TXNRD2: variants seen among roughly 807,000 people sequenced by gnomAD.
TXNRD2 encodes the protein thioredoxin reductase 2, mitochondrial.
TXNRD2 carries 67 observed loss-of-function variants against 70.8 expected under a neutral mutation model. The observed-to-expected ratio is 0.95, with a 90% CI of 0.78 to 1.16. TXNRD2 has a LOEUF of 1.16. Among genes scored for constraint, TXNRD2 ranks in the 50% most tolerant of loss-of-function variants. The probability of loss-of-function intolerance (pLI) is 0.00; values close to 1 mark genes in which losing one functional copy is unlikely to be tolerated. For synonymous variants in TXNRD2, 301 were observed against 295.8 expected (o/e 1.02, Z -0.18); for missense variants, 644 against 719.9 (o/e 0.89, Z 1.21).
chr22:19,924,124 C>G (rs938243562), intron 2 of TXNRD2, among the ~76,000 whole-genome samples: 15 of 152,164 alleles, frequency 9.9e-5, no homozygotes, highest in African/African-American at 3.4e-4. Flanking sequence ...GCTCAGCCTC[C>G]CAAAGTGCTG....
At chr22:19,924,905 A>G (rs1459668898) in intron 2 of TXNRD2, among the ~76,000 whole-genome samples, 1 of 152,014 alleles carries the variant, frequency 6.6e-6, no homozygotes, top group African/African-American at 2.4e-5. Context: ...AGAGACACTA[A>G]GATAAAAATA....
chr22:19,878,513 C>A, intron 14 of TXNRD2, 76 bp from the exon 15 acceptor site: 1 of 1,339,736 alleles, frequency 7.5e-7, no homozygotes. Flanking sequence ...CCACAGGCTG[C>A]ATGGGCAAGG....
intron 2 of TXNRD2, 76 bp downstream of exon 2, chr22:19,930,954 T>G: frequency 7.0e-7 from 1 of 1,420,422 alleles, no homozygotes; most frequent in Non-Finnish European, 9.9e-7. Flanking sequence ...CTCATGGACG[T>G]TTTCTGGACA....
chr22:19,918,387 A>C (rs1940734417), intron 4 of TXNRD2, among the ~76,000 whole-genome samples, 170 bp from the exon 5 acceptor site: 2 of 152,254 alleles, frequency 1.3e-5, no homozygotes, highest in African/African-American at 4.8e-5. Flanking sequence ...CGCCTGTCCC[A>C]GGCTCAGGGC....
rs1940939715 is a variant in TXNRD2, at chr22:19,922,089, T to G, written c.173-2490A>C. 3.3e-5 allele frequency among the ~76,000 whole-genome samples: 5 copies of G among 152,150 alleles called. No homozygotes were observed. In the South Asian group the frequency reaches 1.0e-3, roughly 32 times the overall value. ...AATGCCCAGAACCCAACAAGGTAAA[T>G]TCAAGTGTCTGGCATTCAACCAAAA... On this transcript the variant is annotated intron_variant, in intron 2 of 17. Transcript: ENST00000400521.
At chr22:19,935,335 T>C (rs1941502994) in intron 1 of TXNRD2, among the ~76,000 whole-genome samples, 1 of 152,050 alleles carries the variant, frequency 6.6e-6, no homozygotes, top group African/African-American at 2.4e-5. Flanking sequence ...CTTATTAGGG[T>C]GGGGAAAAAA....
At chr22:19,881,197 G>C (rs1289475513) in intron 12 of TXNRD2, 1 of 405,930 alleles carries the variant, frequency 2.5e-6, no homozygotes, top group Non-Finnish European at 4.3e-6. Flanking sequence ...TCAGAATGTC[G>C]CTGTGCTGGA....
intron 2 of TXNRD2, among the ~76,000 whole-genome samples, chr22:19,925,098 C>G (rs936569997): frequency 6.7e-6 from 1 of 150,074 alleles, no homozygotes; most frequent in Non-Finnish European, 1.5e-5. Context: ...TCCTGGCTAA[C>G]ACGGCGAAGC....
Sources: gnomAD v4.1 joint callset for allele counts (sites outside exome capture counted in the v4.1 genomes callset) on GRCh38, gnomAD v4.1.1 for gene constraint, MANE v1.5 for transcripts, NCBI Gene and HGNC (gene_info 2026-07-23, HGNC 2026-07-21) for gene names.